Variants in COL13A1 observed in about 807,000 individuals in gnomAD.
COL13A1 encodes the protein collagen alpha-1(XIII) chain.
COL13A1 carries 89 observed loss-of-function variants against 130.9 expected under a neutral mutation model. That is an observed-to-expected ratio of 0.68 (90% confidence interval 0.57 to 0.81). The LOEUF (loss-of-function observed/expected upper bound fraction) is 0.81, where lower values mean the gene tolerates loss of function less well. Among genes scored for constraint, COL13A1 ranks in the 30% least tolerant of loss-of-function variants. The pLI is 0.00. For missense variants in COL13A1, 879 were observed against 934.6 expected, an observed-to-expected ratio of 0.94 and a Z score of 0.78; for synonymous variants, 402 against 341.6, an observed-to-expected ratio of 1.18 and a Z score of -1.95.
At position 69,948,331 on chromosome 10, in the gene COL13A1, A is replaced by G. The variant is rs3897194; in HGVS notation, c.2058+989A>G. On this transcript the variant is annotated intron_variant, in intron 38 of 40. Transcript: ENST00000645393. ...AATGCCTATGCTCCTATCTGGCAAC[A>G]GTGAATTCCATCTCTTCAACTCAAG... is the stretch of plus-strand genomic sequence containing the variant. Among the ~76,000 whole-genome samples, 454 of 126,912 alleles carry G rather than the reference A, an allele frequency of 3.6e-3. 10 individuals are homozygous for G. The Middle Eastern group carries it at 0.066, about 18-fold the overall frequency. The allele number at this position is 126,912 out of a possible 152,430, so 83.3% of individuals were successfully genotyped here. A position where few individuals can be genotyped will look rare whatever the true frequency, so the allele number is the denominator to read the frequency against.
At chr10:69,897,639 C>A in intron 13 of COL13A1, 3 of 1,232,842 alleles carry the variant, frequency 2.4e-6, no homozygotes, top group Non-Finnish European at 3.5e-6. Context: ...GCGGGTGGAG[C>A]TCTGTGTGCC....
At chr10:69,808,926 G>C (rs1842281594) in intron 1 of COL13A1, among the ~76,000 whole-genome samples, 2 of 152,214 alleles carry the variant, frequency 1.3e-5, no homozygotes, top group Non-Finnish European at 2.9e-5. Context: ...TGACTTCTGT[G>C]TGTCCAGGCT....
intron 4 of COL13A1, 114 bp downstream of exon 4, chr10:69,872,324 C>A: frequency 8.4e-7 from 1 of 1,195,472 alleles, no homozygotes; most frequent in Non-Finnish European, 1.2e-6. Flanking sequence ...GGGTGACAGG[C>A]CACTCTCCAG....
chr10:69,913,004 G>A (rs1357566396), intron 17 of COL13A1, among the ~76,000 whole-genome samples: 2 of 152,194 alleles, frequency 1.3e-5, no homozygotes, highest in Non-Finnish European at 2.9e-5. Flanking sequence ...CCCAGCTGGG[G>A]AGTCTGAGTG....
chr10:69,945,558 G>C, intron 36 of COL13A1, 113 bp from the exon 37 acceptor site: 1 of 1,433,010 alleles, frequency 7.0e-7, no homozygotes, highest in South Asian at 1.3e-5. Context: ...GCTTCCCGGA[G>C]GGCTCTTGAG....
rs745363959 is a variant in COL13A1, at chr10:69,930,452, C to G, written c.1583C>G (p.Pro528Arg). Residue 528 changes from proline to arginine, a missense_variant, in exon 30 of 41, where the codon CCA becomes CGA. Physicochemically the swap from Pro to Arg is moderately radical, Grantham distance 103 (BLOSUM62 -2). Transcript: ENST00000645393. ...DMGPPGPQGP[P>R]GKDGPPGVKG... ...GGCCCTCCTGGTCCCCAAGGCCCCC[C>G]AGGAAAGGATGGACCTCCAGGAGTG... 2.5e-6 allele frequency: 4 copies of G among 1,613,840 alleles called. No homozygotes were observed. The highest frequency in any genetic ancestry group is 3.4e-6 in the Non-Finnish European group (4 of 1,179,806).
Position 69,918,265 on chromosome 10 carries a change from T to C in COL13A1, c.967-20T>C, listed in dbSNP as rs1364750692. On this transcript the variant is annotated intron_variant, in intron 18 of 40. Coordinates refer to ENST00000645393, the MANE Select transcript of COL13A1 (RefSeq NM_001368882.1). ...TCGCTGCAGAATGTCTTCAGACCTT[T>C]TTTTTTCTCTCTCTGCCAGGGGGCG... The C allele has an allele frequency of 6.2e-7, 1 of 1,611,460 alleles. No individual in the cohort carries two copies. Among genetic ancestry groups the C allele is most frequent in the African/African-American group, 1.3e-5 (1 of 74,970 alleles).
intron 2 of COL13A1, among the ~76,000 whole-genome samples, chr10:69,859,953 G>A (rs749846623): frequency 3.3e-5 from 5 of 152,242 alleles, no homozygotes; most frequent in Non-Finnish European, 7.3e-5. Flanking sequence ...AAGGAAGAAG[G>A]ACTGAATGTC....
intron 35 of COL13A1, among the ~76,000 whole-genome samples, chr10:69,942,983 G>A (rs537345980): frequency 6.6e-6 from 1 of 152,326 alleles, no homozygotes; most frequent in South Asian, 2.1e-4. Context: ...GAGTAGCTGG[G>A]ATTACAGGCA....
chr10:69,866,211 G>A (rs995652341), intron 2 of COL13A1, among the ~76,000 whole-genome samples: 6 of 152,210 alleles, frequency 3.9e-5, no homozygotes, highest in Admixed American at 2.0e-4. Context: ...CTATGCAGCC[G>A]AGAGTGCTAA....
At chr10:69,827,640 G>A (rs559988165) in intron 2 of COL13A1, among the ~76,000 whole-genome samples, 14 of 152,298 alleles carry the variant, frequency 9.2e-5, no homozygotes, top group African/African-American at 3.1e-4. Flanking sequence ...GCGATCCTAC[G>A]AATAGGGCTT....
At chr10:69,918,217 G>A in intron 18 of COL13A1, 68 bp from the exon 19 acceptor site, 5 of 1,439,826 alleles carry the variant, frequency 3.5e-6, no homozygotes, top group Non-Finnish European at 4.8e-6. Flanking sequence ...GCTGTCCACT[G>A]CCCCCCGCCC....
chr10:69,885,294 T>A (rs2060498485), intron 7 of COL13A1, among the ~76,000 whole-genome samples: 1 of 152,194 alleles, frequency 6.6e-6, no homozygotes, highest in Non-Finnish European at 1.5e-5. Context: ...CAAAGAGTTA[T>A]TTTTCTTGAC....
At chr10:69,822,494 C>A in intron 2 of COL13A1, 56 bp downstream of exon 2, 1 of 1,358,798 alleles carries the variant, frequency 7.4e-7, no homozygotes, top group Non-Finnish European at 9.9e-7. Flanking sequence ...AGACCAGAGG[C>A]TCTTCCTGGT....
At chr10:69,884,300 T>C (rs945353385) in intron 7 of COL13A1, among the ~76,000 whole-genome samples, 2 of 152,192 alleles carry the variant, frequency 1.3e-5, no homozygotes, top group African/African-American at 4.8e-5. Context: ...GGTGTATTTA[T>C]ACCACAGACA....
At chr10:69,863,842 C>T (rs1317146126) in intron 2 of COL13A1, among the ~76,000 whole-genome samples, 2 of 152,184 alleles carry the variant, frequency 1.3e-5, no homozygotes, top group East Asian at 1.9e-4. Context: ...TTTGGGAGCC[C>T]GAGGCAGGCA....
At chr10:69,941,113 TC>T in intron 35 of COL13A1, 90 bp downstream of exon 35, 1 of 1,595,184 alleles carries the variant, frequency 6.3e-7, no homozygotes, top group Non-Finnish European at 8.6e-7. Context: ...GGCCTCATTT[TC>T]CCAGTGAATC....
chr10:69,867,553 A>G (rs558189867), intron 2 of COL13A1, among the ~76,000 whole-genome samples: 1 of 152,360 alleles, frequency 6.6e-6, no homozygotes, highest in East Asian at 1.9e-4. Context: ...GGCCACCGGC[A>G]GGTCCCCAGC....
chr10:69,889,919 G>T (rs558014091), intron 10 of COL13A1, among the ~76,000 whole-genome samples: 2 of 152,244 alleles, frequency 1.3e-5, no homozygotes, highest in East Asian at 3.9e-4. Flanking sequence ...GTGCCCAGTG[G>T]ATCATCTCAG....
Sources: allele counts gnomAD v4.1 joint callset (sites outside exome capture counted in the v4.1 genomes callset), GRCh38; gene constraint gnomAD v4.1.1; transcripts MANE v1.5; gene names NCBI Gene and HGNC (gene_info 2026-07-23, HGNC 2026-07-21).